Variants in IL16 observed in about 807,000 individuals in gnomAD.
IL16 encodes pro-interleukin-16.
In IL16, 67 loss-of-function variants were observed where a neutral mutation model predicts 110.1. The observed-to-expected ratio is 0.61, with a 90% CI of 0.50 to 0.75. IL16 has a LOEUF of 0.75. Ranked by LOEUF, IL16 falls within the 30% of genes least tolerant of loss-of-function variation. The pLI, the probability that IL16 is intolerant of heterozygous loss-of-function variation, is 0.00. For synonymous variants in IL16, 689 were observed against 662.9 expected, an observed-to-expected ratio of 1.04 and a Z score of -0.61; for missense variants, 1,545 against 1,655.0, an observed-to-expected ratio of 0.93 and a Z score of 1.15.
At chr15:81,297,165 T>C in intron 13 of IL16, 87 bp downstream of exon 13, 6 of 1,278,700 alleles carry the variant, frequency 4.7e-6, no homozygotes, top group Non-Finnish European at 6.5e-6. Flanking sequence ...GGCCTGAGGA[T>C]CAGAGTGCTC....
rs1051480199 is a variant in IL16, at chr15:81,225,789, T to C, written c.312+78T>C. 1.0e-5 allele frequency: 13 copies of C among 1,263,684 alleles called. No homozygotes were observed. The Admixed American group carries it at 1.4e-4, about 14-fold the overall frequency. The allele number at this position is 1,263,684 out of a possible 1,614,324, so 78.3% of individuals were successfully genotyped here. ...GTGAATTAAAGTCTTTGAATCCATT[T>C]ATTCAAAAATCATGAAGCTGCAGAG... On this transcript the variant is annotated intron_variant, in intron 2 of 18. Coordinates refer to ENST00000683961, the MANE Select transcript of IL16 (RefSeq NM_172217.5).
At chr15:81,252,052 G>T (rs1166068372) in intron 2 of IL16, among the ~76,000 whole-genome samples, 1 of 152,210 alleles carries the variant, frequency 6.6e-6, no homozygotes, top group Admixed American at 6.5e-5. Flanking sequence ...GATTGGTGGA[G>T]AAGTCCATGG....
intron 9 of IL16, among the ~76,000 whole-genome samples, chr15:81,284,469 G>T (rs1288254501): frequency 6.6e-6 from 1 of 152,206 alleles, no homozygotes; most frequent in Non-Finnish European, 1.5e-5. Context: ...GGTTGTCTTG[G>T]TCCTAGTACC....
intron 3 of IL16, among the ~76,000 whole-genome samples, chr15:81,261,636 C>A (rs1455315066): frequency 6.6e-6 from 1 of 152,124 alleles, no homozygotes; most frequent in Non-Finnish European, 1.5e-5. Flanking sequence ...TCTGGTACCT[C>A]AATAGGCCTC....
intron 1 of IL16, among the ~76,000 whole-genome samples, chr15:81,188,555 G>T (rs78380152): frequency 6.6e-6 from 1 of 152,058 alleles, no homozygotes; most frequent in Admixed American, 6.6e-5. Context: ...CAGGGGATAG[G>T]TACTCAGGCT....
intron 1 of IL16, among the ~76,000 whole-genome samples, chr15:81,199,992 A>G (rs1279167493): frequency 6.6e-6 from 1 of 152,210 alleles, no homozygotes; most frequent in Non-Finnish European, 1.5e-5. Context: ...GAATTGCTGT[A>G]AAAAATCAGA....
chr15:81,197,827 G>A (rs962304013), intron 1 of IL16, among the ~76,000 whole-genome samples: 1 of 152,006 alleles, frequency 6.6e-6, no homozygotes, highest in Non-Finnish European at 1.5e-5. Flanking sequence ...ATACAGGGAA[G>A]CATCTTCTCC....
In IL16 at chr15:81,257,995, C is replaced by G. The variant is rs138411619; in HGVS notation, c.313-1777C>G. ...GCTTTCCTGAAAGAAAACACACACA[C>G]AGACACACACACAGATGTACACACA... On this transcript the variant is annotated intron_variant, in intron 2 of 18. Coordinates refer to ENST00000683961, the MANE Select transcript of IL16 (RefSeq NM_172217.5). Among the ~76,000 whole-genome samples the G allele has an allele frequency of 2.4e-3, 368 of 152,244 alleles. 2 individuals are homozygous for G. The highest frequency in any genetic ancestry group is 7.9e-3 in the African/African-American group (330 of 41,512).
intron 1 of IL16, among the ~76,000 whole-genome samples, chr15:81,217,590 A>C (rs1257741421): frequency 6.6e-6 from 1 of 152,220 alleles, no homozygotes; most frequent in Non-Finnish European, 1.5e-5. Flanking sequence ...GAGATGGCAG[A>C]CCATTCCTAT....
chr15:81,234,414 A>G (rs1320450304), intron 2 of IL16, among the ~76,000 whole-genome samples: 1 of 152,044 alleles, frequency 6.6e-6, no homozygotes, highest in Non-Finnish European at 1.5e-5. Context: ...TGTTAGCTAT[A>G]ATTTTTTTAC....
chr15:81,277,357 T>C (rs1207142924), intron 6 of IL16, among the ~76,000 whole-genome samples: 2 of 152,222 alleles, frequency 1.3e-5, no homozygotes, highest in Non-Finnish European at 2.9e-5. Context: ...ATATTTCTGC[T>C]TGAGGAAACA....
chr15:81,282,643 C>A lies in IL16; in HGVS notation c.1086C>A (p.Ala362=). The A allele has an allele frequency of 1.2e-6, 2 of 1,611,894 alleles. No individual in the cohort carries two copies. The highest frequency in any genetic ancestry group is 2.2e-5 in the South Asian group (2 of 91,056). Residue 362 remains alanine, a synonymous_variant, in exon 9 of 19, where the codon GCC becomes GCA. Transcript: ENST00000683961. The part of the protein sequence containing the change: ...IMVEVSLQKE[A]GVGLGIGLCS... Reference sequence around the variant, plus strand: ...CCCGCCCTGTTCTGCTTCCAGAGGCCGGCGTGGGCCTGGGCATCGGCCTGT... The same window carrying A: ...CCCGCCCTGTTCTGCTTCCAGAGGCAGGCGTGGGCCTGGGCATCGGCCTGT...
In IL16 at chr15:81,296,739, T is replaced by C. The variant is rs140670492; in HGVS notation, c.1903-189T>C. Among the ~76,000 whole-genome samples the C allele has an allele frequency of 9.2e-5, 14 of 152,314 alleles. No individual in the cohort carries two copies. The East Asian group carries it at 2.3e-3, about 25-fold the overall frequency. ...GCTGGAAGTCAAGGGATGCTCTGCA[T>C]GTCTAGGAGGTGCTGGCTCTGCCAC... is the stretch of plus-strand genomic sequence containing the variant. On this transcript the variant is annotated intron_variant, in intron 12 of 18. Transcript: ENST00000683961.
At chr15:81,283,488 C>T (rs766502911) in intron 9 of IL16, among the ~76,000 whole-genome samples, 4 of 152,196 alleles carry the variant, frequency 2.6e-5, no homozygotes, top group Non-Finnish European at 4.4e-5. Context: ...GAATCTCAGA[C>T]GCCCGGACCC....
intron 13 of IL16, among the ~76,000 whole-genome samples, chr15:81,298,155 C>T (rs17875507): frequency 0.04 from 6,116 of 152,324 alleles, 348 homozygotes; most frequent in African/African-American, 0.13. Flanking sequence ...CCAAGCCATT[C>T]AAAAATGCAG....
At chr15:81,219,320 G>A (rs1896538396) in intron 1 of IL16, among the ~76,000 whole-genome samples, 1 of 152,148 alleles carries the variant, frequency 6.6e-6, no homozygotes, top group Non-Finnish European at 1.5e-5. Flanking sequence ...TGAGGAATGA[G>A]CTTTAGCCAG....
chr15:81,246,148 A>G (rs1294948674), intron 2 of IL16, among the ~76,000 whole-genome samples: 1 of 152,180 alleles, frequency 6.6e-6, no homozygotes, highest in African/African-American at 2.4e-5. Flanking sequence ...ACAAGCCTGT[A>G]AAAATTAAAG....
chr15:81,282,820 A>G (rs1899248139), intron 9 of IL16, 64 bp downstream of exon 9: 1 of 1,182,472 alleles, frequency 8.5e-7, no homozygotes. Flanking sequence ...AATACCTTAG[A>G]ATGTCGGGAG....
chr15:81,257,680 G>C (rs1897998756), intron 2 of IL16, among the ~76,000 whole-genome samples: 1 of 152,218 alleles, frequency 6.6e-6, no homozygotes, highest in African/African-American at 2.4e-5. Flanking sequence ...TCCTCCCTCT[G>C]CTCTGGAAAA....
Sources: allele counts gnomAD v4.1 joint callset (sites outside exome capture counted in the v4.1 genomes callset), GRCh38; gene constraint gnomAD v4.1.1; transcripts MANE v1.5; gene names NCBI Gene and HGNC (gene_info 2026-07-23, HGNC 2026-07-21).